MLIP: variants seen among roughly 807,000 people sequenced by gnomAD.
MLIP encodes the protein muscular LMNA interacting protein.
A neutral mutation model predicts 84.8 loss-of-function variants in MLIP; 79 were observed. The ratio of observed to expected loss-of-function variants is 0.93; its 90% CI spans 0.78 to 1.12. The LOEUF is 1.12. MLIP is among the 50% of genes most tolerant of loss of function. The pLI, the probability that MLIP is intolerant of heterozygous loss-of-function variation, is 0.00. For missense variants in MLIP, 1,257 were observed against 1,160.6 expected (o/e 1.08, Z -1.21); for synonymous variants, 504 against 463.0 (o/e 1.09, Z -1.14).
intron 1 of MLIP, among the ~76,000 whole-genome samples, chr6:54,117,762 T>C (rs9474739): frequency 0.38 from 56,943 of 150,840 alleles, 11,036 homozygotes; most frequent in African/African-American, 0.45. Context: ...CTGGCTAACA[T>C]GGTGAAACCC....
chr6:54,257,323 G>A lies in MLIP; in HGVS notation c.2938G>A (p.Val980Met), dbSNP rs974041313. 1.9e-6 allele frequency: 3 copies of A among 1,612,464 alleles called. No individual in the cohort carries two copies. The highest frequency in any genetic ancestry group is 2.5e-6 in the Non-Finnish European group (3 of 1,178,968). The change falls in exon 13 of 14, where the codon GTG becomes ATG. Residue 980 changes from valine to methionine, a missense_variant. Physicochemically the swap from Val to Met is conservative, Grantham distance 21. Transcript: ENST00000502396. Reference protein sequence around the residue: ...NACNKLSHPMVAIPEHEALDS... With the variant: ...NACNKLSHPMMAIPEHEALDS... ...TTCTGTGAAGCTGAGTCATCCAATG[G>A]TGGCTATTCCTGAACATGAAGCTCT...
At chr6:54,224,883 T>C (rs1012399364) in intron 11 of MLIP, among the ~76,000 whole-genome samples, 30 of 152,298 alleles carry the variant, frequency 2.0e-4, no homozygotes, top group Middle Eastern at 3.4e-3. Flanking sequence ...TAGTCTCCAG[T>C]CTCATCCAGG....
At chr6:54,215,202 A>G (rs1779770145) in intron 11 of MLIP, 2 of 1,534,812 alleles carry the variant, frequency 1.3e-6, no homozygotes, top group Admixed American at 2.0e-5. Context: ...GGCTCCTCTG[A>G]TCATTGAGGA....
chr6:54,172,734 A>T (rs1775896575), intron 9 of MLIP, among the ~76,000 whole-genome samples: 1 of 151,508 alleles, frequency 6.6e-6, no homozygotes, highest in African/African-American at 2.4e-5. Flanking sequence ...AAATAAACAA[A>T]GAAAATCAAC....
At chr6:54,080,309 T>G (rs935246182) in intron 1 of MLIP, among the ~76,000 whole-genome samples, 1 of 152,194 alleles carries the variant, frequency 6.6e-6, no homozygotes. Flanking sequence ...AGTCTCAGAC[T>G]TTCTCAAACA....
At chr6:54,194,869 G>T (rs1778187004) in intron 10 of MLIP, among the ~76,000 whole-genome samples, 1 of 151,448 alleles carries the variant, frequency 6.6e-6, no homozygotes, top group South Asian at 2.1e-4. Flanking sequence ...TTCCAATATT[G>T]GGAGCTTTAC....
At chr6:54,252,460 CATATA>C (rs940268577) in intron 12 of MLIP, among the ~76,000 whole-genome samples, 8 of 106,694 alleles carry the variant, frequency 7.5e-5, no homozygotes, top group East Asian at 2.3e-4. Flanking sequence ...TATATTATAA[CATATA>C]ATATAAATAT....
At chr6:54,195,277 G>A (rs964831948) in intron 10 of MLIP, among the ~76,000 whole-genome samples, 2 of 151,978 alleles carry the variant, frequency 1.3e-5, no homozygotes, top group Non-Finnish European at 2.9e-5. Context: ...TTGCAGTTTT[G>A]TTACACATCT....
At chr6:54,130,820 A>G (rs1248740544) in intron 3 of MLIP, among the ~76,000 whole-genome samples, 1 of 152,174 alleles carries the variant, frequency 6.6e-6, no homozygotes, top group Non-Finnish European at 1.5e-5. Flanking sequence ...TAGGGAAGGA[A>G]GTATCAGCAC....
chr6:54,191,997 G>GTA (rs781044396), intron 10 of MLIP, among the ~76,000 whole-genome samples: 141 of 149,050 alleles, frequency 9.5e-4, no homozygotes, highest in African/African-American at 1.4e-3. Flanking sequence ...ATATATATGT[G>GTA]TATATATATA....
intron 10 of MLIP, among the ~76,000 whole-genome samples, chr6:54,200,685 A>T (rs572135212): frequency 1.3e-5 from 2 of 148,370 alleles, no homozygotes; most frequent in South Asian, 2.1e-4. Flanking sequence ...CTATGGCATG[A>T]CTTCATGCAC....
At chr6:54,071,281 A>T (rs1582072412) in intron 1 of MLIP, among the ~76,000 whole-genome samples, 1 of 152,132 alleles carries the variant, frequency 6.6e-6, no homozygotes, top group Non-Finnish European at 1.5e-5. Context: ...GAACATGACA[A>T]ACTTTAATAT....
intron 1 of MLIP, among the ~76,000 whole-genome samples, chr6:54,063,912 C>T (rs376261477): frequency 2.2e-5 from 1 of 45,058 alleles, no homozygotes; most frequent in African/African-American, 3.4e-5. Flanking sequence ...CTTACGGCTT[C>T]AAATTAAATA....
chr6:54,226,704 G>C (rs1366096828), intron 11 of MLIP, among the ~76,000 whole-genome samples: 1 of 150,746 alleles, frequency 6.6e-6, no homozygotes, highest in Non-Finnish European at 1.5e-5. Flanking sequence ...AAAAACTCAA[G>C]AACATCAATA....
intron 11 of MLIP, among the ~76,000 whole-genome samples, chr6:54,210,147 G>GCACCA (rs1203619746): frequency 2.8e-4 from 35 of 126,540 alleles, no homozygotes; most frequent in African/African-American, 9.1e-4. Flanking sequence ...TCACCGCACC[G>GCACCA]CACCGCACCG....
chr6:54,167,098 GAT>G (rs1775275545), intron 8 of MLIP, among the ~76,000 whole-genome samples: 1 of 151,816 alleles, frequency 6.6e-6, no homozygotes, highest in Admixed American at 6.6e-5. Context: ...TGTTTTGTTG[GAT>G]AGTACAAGAG....
chr6:54,052,639 A>C (rs995670693), intron 1 of MLIP, among the ~76,000 whole-genome samples: 6 of 152,208 alleles, frequency 3.9e-5, no homozygotes, highest in Admixed American at 6.5e-5. Context: ...TATAATAATT[A>C]GTTTTAGCAC....
upstream of MLIP, among the ~76,000 whole-genome samples, chr6:54,107,302 A>G (rs937834271): frequency 2.0e-5 from 3 of 152,340 alleles, no homozygotes; most frequent in Admixed American, 6.5e-5. Flanking sequence ...TTATAGCGGT[A>G]TACTACTATA....
chr6:54,024,783 A>G (rs10080737), intron 1 of MLIP, among the ~76,000 whole-genome samples: 39 of 152,196 alleles, frequency 2.6e-4, no homozygotes, highest in African/African-American at 9.4e-4. Context: ...GAATGTCTTA[A>G]CAATGGGAAT....
Sources: gnomAD v4.1 joint callset for allele counts (sites outside exome capture counted in the v4.1 genomes callset) on GRCh38, gnomAD v4.1.1 for gene constraint, MANE v1.5 for transcripts, NCBI Gene and HGNC (gene_info 2026-07-23, HGNC 2026-07-21) for gene names.